The following VWA8 variants were observed in gnomAD, a reference collection of about 807,000 sequenced individuals.
VWA8 encodes von Willebrand factor A domain-containing protein 8.
Under a neutral mutation model 241.5 loss-of-function variants are expected in VWA8, and 221 were observed. The ratio of observed to expected loss-of-function variants is 0.91; its 90% CI spans 0.82 to 1.02. The LOEUF (loss-of-function observed/expected upper bound fraction) is 1.02. VWA8 is among the 50% of genes least tolerant of loss of function. The pLI is 0.00. For missense variants in VWA8, 2,322 were observed against 2,328.7 expected (o/e 1.00, Z 0.06); for synonymous variants, 852 against 827.1 (o/e 1.03, Z -0.52).
At chr13:41,574,559 C>A (rs1319318052) in intron 43 of VWA8, among the ~76,000 whole-genome samples, 2 of 152,076 alleles carry the variant, frequency 1.3e-5, no homozygotes, top group Non-Finnish European at 2.9e-5. Flanking sequence ...TTTCAAAGAA[C>A]TAGAAAAAAC....
Position 41,699,189 on chromosome 13 carries a change from A to G in VWA8, c.3446T>C (p.Phe1149Ser). 4 of 1,614,202 alleles carry G rather than the reference A, an allele frequency of 2.5e-6. No individual in the cohort carries two copies. Among genetic ancestry groups the G allele is most frequent in the Non-Finnish European group, 3.4e-6 (4 of 1,180,006 alleles). The stretch of plus-strand genomic sequence containing the variant: ...GAAGATATCAAAAAAGTCCACAAAG[A>G]AGCCACTTTTCCCAGTCATATTCAT... Reference protein sequence around the residue: ...YFMNMTGKSGFFVDFFDIFPR... With the variant: ...YFMNMTGKSGSFVDFFDIFPR... Residue 1149 changes from phenylalanine (F) to serine (S), a missense_variant, in exon 29 of 45, where the codon TTC (phenylalanine) becomes TCC (serine). Physicochemically the swap from Phe to Ser is radical, Grantham distance 155 (BLOSUM62 -2). Coordinates refer to ENST00000379310, the MANE Select transcript of VWA8 (RefSeq NM_015058.2).
At chr13:41,605,098 C>G in intron 40 of VWA8, 70 bp downstream of exon 40, 1 of 1,486,944 alleles carries the variant, frequency 6.7e-7, no homozygotes, top group African/African-American at 1.4e-5. Context: ...AGATAATTTT[C>G]TCCAAGACTT....
intron 2 of VWA8, among the ~76,000 whole-genome samples, chr13:41,924,759 CT>C (rs200528621): frequency 0.24 from 34,301 of 144,160 alleles, 3,892 homozygotes; most frequent in East Asian, 0.3. Flanking sequence ...GAAGCACTTT[CT>C]TTTTTTTTTT....
At chr13:41,666,747 T>C (rs2044989102) in intron 37 of VWA8, among the ~76,000 whole-genome samples, 1 of 152,064 alleles carries the variant, frequency 6.6e-6, no homozygotes, top group African/African-American at 2.4e-5. Context: ...CTGGGACTTC[T>C]CTAATAGGAA....
chr13:41,769,159 G>A (rs972186078), intron 20 of VWA8, among the ~76,000 whole-genome samples: 3 of 152,188 alleles, frequency 2.0e-5, no homozygotes, highest in Non-Finnish European at 2.9e-5. Context: ...CGCCTACCTC[G>A]GACTCCCGAA....
At chr13:41,598,626 C>T (rs1184605101) in intron 40 of VWA8, among the ~76,000 whole-genome samples, 1 of 151,802 alleles carries the variant, frequency 6.6e-6, no homozygotes, top group African/African-American at 2.4e-5. Context: ...CATTTTAAGC[C>T]TCTGAATATC....
intron 1 of VWA8, among the ~76,000 whole-genome samples, chr13:41,955,358 T>C (rs563450460): frequency 2.0e-5 from 3 of 152,318 alleles, no homozygotes; most frequent in Middle Eastern, 6.8e-3. Context: ...TTCTGATTGG[T>C]TCAGTTCACA....
In VWA8 at chr13:41,901,553, T is replaced by C. The variant is rs141074327; in HGVS notation, c.483+6033A>G. On this transcript the variant is annotated intron_variant, in intron 4 of 44. Coordinates refer to ENST00000379310, the MANE Select transcript of VWA8 (RefSeq NM_015058.2). Reference sequence around the variant, plus strand: ...CTCTTTTCTTTCAAAACAAATTATATGCATCTGTCAAACAGTTAACATTAT... The same window carrying C: ...CTCTTTTCTTTCAAAACAAATTATACGCATCTGTCAAACAGTTAACATTAT... Among the ~76,000 whole-genome samples the C allele has an allele frequency of 1.7e-3, 257 of 152,210 alleles. 2 individuals are homozygous for C. The highest frequency in any genetic ancestry group is 5.7e-3 in the African/African-American group (236 of 41,540).
At chr13:41,585,117 C>T (rs2044408659) in intron 42 of VWA8, among the ~76,000 whole-genome samples, 1 of 151,952 alleles carries the variant, frequency 6.6e-6, no homozygotes, top group African/African-American at 2.4e-5. Context: ...GTGAAATGCT[C>T]ATTTCCTTGA....
At chr13:41,739,848 G>GTTTTTTTTTTTTTTTTTTTTTTTTTTT (rs1179107917) in intron 21 of VWA8, among the ~76,000 whole-genome samples, 1 of 50,916 alleles carries the variant, frequency 2.0e-5, no homozygotes, top group Admixed American at 1.9e-4. Flanking sequence ...TGTTTTTTTT[G>GTTTTTTTTTTTTTTTTTTTTTTTTTTT]TTTTTTTTGT....
At chr13:41,840,307 T>C (rs1260605833) in intron 12 of VWA8, among the ~76,000 whole-genome samples, 1 of 152,000 alleles carries the variant, frequency 6.6e-6, no homozygotes, top group Non-Finnish European at 1.5e-5. Flanking sequence ...CACTGGGGCC[T>C]GTCTGGGGAT....
intron 42 of VWA8, among the ~76,000 whole-genome samples, chr13:41,577,584 G>A (rs981455873): frequency 2.0e-5 from 3 of 152,146 alleles, no homozygotes; most frequent in Admixed American, 6.5e-5. Flanking sequence ...CACACTCCAG[G>A]GAGGCCCCGA....
chr13:41,646,071 A>G (rs2044830089), intron 37 of VWA8, among the ~76,000 whole-genome samples: 2 of 151,250 alleles, frequency 1.3e-5, no homozygotes, highest in East Asian at 1.9e-4. Context: ...GGTTCAAGCG[A>G]TTCTTCTGCC....
At chr13:41,915,987 A>G (rs1026919148) in intron 2 of VWA8, among the ~76,000 whole-genome samples, 2 of 152,212 alleles carry the variant, frequency 1.3e-5, no homozygotes, top group Admixed American at 6.5e-5. Flanking sequence ...CAGCAGACCT[A>G]TTGTATAAAG....
chr13:41,886,072 A>T (rs1404591590), intron 7 of VWA8, 44 bp from the exon 8 acceptor site: 1 of 1,313,872 alleles, frequency 7.6e-7, no homozygotes, highest in African/African-American at 1.5e-5. Flanking sequence ...TTAAAATATA[A>T]AATGTGTAAG....
At chr13:41,752,041 TTC>T (rs1483303569) in intron 21 of VWA8, among the ~76,000 whole-genome samples, 1 of 152,172 alleles carries the variant, frequency 6.6e-6, no homozygotes, top group Non-Finnish European at 1.5e-5. Context: ...TACTGTTAAC[TTC>T]TCTTTTCCCC....
chr13:41,758,449 ATATATAT>A, intron 21 of VWA8, among the ~76,000 whole-genome samples: 4 of 121,470 alleles, frequency 3.3e-5, no homozygotes, highest in African/African-American at 8.9e-5. Context: ...TATATATTCC[ATATATAT>A]GGAATATATG....
intron 17 of VWA8, among the ~76,000 whole-genome samples, chr13:41,809,770 A>G (rs1372549110): frequency 3.3e-5 from 5 of 152,206 alleles, no homozygotes; most frequent in South Asian, 2.1e-4. Context: ...CATTGAGTTA[A>G]AAAGCTTCTT....
chr13:41,688,369 T>C (rs542456619), intron 34 of VWA8, among the ~76,000 whole-genome samples: 7 of 152,252 alleles, frequency 4.6e-5, no homozygotes, highest in African/African-American at 1.7e-4. Flanking sequence ...AAGGAAATTA[T>C]AAAAATTAAA....
Sources: gnomAD v4.1 joint callset for allele counts (sites outside exome capture counted in the v4.1 genomes callset) on GRCh38, gnomAD v4.1.1 for gene constraint, MANE v1.5 for transcripts, NCBI Gene and HGNC (gene_info 2026-07-23, HGNC 2026-07-21) for gene names.